The following GHR variants were observed in gnomAD, a reference collection of about 807,000 sequenced individuals.
GHR encodes the protein GH receptor.
A neutral mutation model predicts 67.1 loss-of-function variants in GHR; 35 were observed. The observed-to-expected ratio is 0.52, with a 90% confidence interval of 0.40 to 0.69. The LOEUF (loss-of-function observed/expected upper bound fraction) is 0.69, where lower values mean the gene tolerates loss of function less well. Among genes scored for constraint, GHR ranks in the 30% least tolerant of loss-of-function variants. The pLI is 0.00. For synonymous variants in GHR, 272 were observed against 269.1 expected (o/e 1.01, Z -0.10); for missense variants, 792 against 764.6 (o/e 1.04, Z -0.42).
chr5:42,646,148 T>C (rs1345868892), intron 3 of GHR, among the ~76,000 whole-genome samples: 4 of 132,504 alleles, frequency 3.0e-5, no homozygotes, highest in Non-Finnish European at 4.7e-5. Flanking sequence ...AATGTTAAGG[T>C]TTTACTAAAC....
At chr5:42,632,531 C>T (rs190370922) in intron 3 of GHR, among the ~76,000 whole-genome samples, 1 of 152,338 alleles carries the variant, frequency 6.6e-6, no homozygotes, top group Non-Finnish European at 1.5e-5. Flanking sequence ...GCTAAGTAAG[C>T]CCTTAGGGCT....
chr5:42,683,548 A>T (rs1756989935), intron 3 of GHR, among the ~76,000 whole-genome samples: 1 of 152,330 alleles, frequency 6.6e-6, no homozygotes, highest in Admixed American at 6.5e-5. Flanking sequence ...GGAAATACAT[A>T]AGGCTGTGAA....
chr5:42,535,395 C>T (rs1423171466), intron 1 of GHR, among the ~76,000 whole-genome samples: 2 of 152,090 alleles, frequency 1.3e-5, no homozygotes, highest in East Asian at 3.8e-4. Context: ...ATTATCCAAG[C>T]ACCATTTGTT....
At chr5:42,470,877 T>C (rs565808323) in intron 1 of GHR, among the ~76,000 whole-genome samples, 27 of 152,212 alleles carry the variant, frequency 1.8e-4, no homozygotes, top group Middle Eastern at 3.2e-3. Context: ...TCCAACCTGC[T>C]TTTCCATTTT....
In GHR at chr5:42,720,346, A is replaced by T. The variant is rs1298338276; in HGVS notation, c.*922A>T. On this transcript the variant is annotated 3_prime_UTR_variant, in exon 10 of 10. Coordinates refer to ENST00000230882, the MANE Select transcript of GHR (RefSeq NM_000163.5). ...CAAATCTTGGTTGATGCCAAAAAAA[A>T]ATACATGCTAAGAGAAGTAGAAATC... 6.6e-6 allele frequency: 1 copy of T among 152,230 alleles called. No homozygotes were observed. The highest frequency in any genetic ancestry group is 1.5e-5 in the Non-Finnish European group (1 of 68,042). The allele number at this position is 152,230 out of a possible 1,614,324, so 9.4% of individuals were successfully genotyped here. A position where few individuals can be genotyped will look rare whatever the true frequency, so the allele number is the denominator to read the frequency against.
intron 1 of GHR, among the ~76,000 whole-genome samples, chr5:42,518,245 T>A (rs954064680): frequency 9.2e-5 from 14 of 151,698 alleles, no homozygotes; most frequent in Non-Finnish European, 2.1e-4. Context: ...GAAAACAGAT[T>A]GATTAGTGGA....
Position 42,481,711 on chromosome 5 carries a change from C to T in GHR, c.-12+57756C>T, listed in dbSNP as rs555353721. ...GCTTCTGCATTTGTCACGTAATTCT[C>T]GTGCCTTGGTTTTCAGCTCCATCAG... On this transcript the variant is annotated intron_variant, in intron 1 of 9. Coordinates refer to ENST00000230882, the MANE Select transcript of GHR (RefSeq NM_000163.5). 2.5e-3 allele frequency among the ~76,000 whole-genome samples: 378 copies of T among 152,290 alleles called. 5 individuals carry two copies. Among genetic ancestry groups the T allele is most frequent in the African/African-American group, 8.6e-3 (358 of 41,550 alleles).
chr5:42,468,907 G>C, intron 1 of GHR: 1 of 627,216 alleles, frequency 1.6e-6, no homozygotes, highest in Non-Finnish European at 2.6e-6. Flanking sequence ...GATTGCAGCG[G>C]GCTGCGCCGA....
At chr5:42,565,454 T>C in intron 1 of GHR, 1 of 984,906 alleles carries the variant, frequency 1.0e-6, no homozygotes. Flanking sequence ...TGTTTTTCCT[T>C]TTATGGCCTG....
chr5:42,442,736 C>A (rs1420860011), intron 1 of GHR, among the ~76,000 whole-genome samples: 1 of 152,176 alleles, frequency 6.6e-6, no homozygotes, highest in African/African-American at 2.4e-5. Context: ...ATTGATATAA[C>A]TGTTATTAAG....
At chr5:42,595,780 C>T (rs1380436308) in intron 2 of GHR, among the ~76,000 whole-genome samples, 2 of 152,058 alleles carry the variant, frequency 1.3e-5, no homozygotes, top group Non-Finnish European at 2.9e-5. Flanking sequence ...GCTGGAGAGG[C>T]GGGGTGTTTT....
chr5:42,587,129 A>G (rs1040403765), intron 2 of GHR, among the ~76,000 whole-genome samples: 3 of 152,168 alleles, frequency 2.0e-5, no homozygotes, highest in African/African-American at 7.2e-5. Context: ...CAGGATCTCT[A>G]TTATATGAAA....
In GHR at chr5:42,662,144, A is replaced by G. The variant is rs537984401; in HGVS notation, c.137-26746A>G. On this transcript the variant is annotated intron_variant, in intron 3 of 9. Transcript: ENST00000230882. Reference sequence around the variant, plus strand: ...CCTACAAACAGACTTAGACTCCCACACAATAATAATGGGAGACTTTAACAG... The same window carrying G: ...CCTACAAACAGACTTAGACTCCCACGCAATAATAATGGGAGACTTTAACAG... 5.3e-5 allele frequency among the ~76,000 whole-genome samples: 8 copies of G among 152,336 alleles called. 1 individual carries two copies. The South Asian group carries it at 1.7e-3, about 32-fold the overall frequency.
intron 1 of GHR, among the ~76,000 whole-genome samples, chr5:42,443,993 A>G (rs549577708): frequency 6.6e-6 from 1 of 151,878 alleles, no homozygotes; most frequent in East Asian, 1.9e-4. Flanking sequence ...ATAGATATAG[A>G]CATAGACATA....
chr5:42,692,332 C>A (rs1757457145), intron 4 of GHR, among the ~76,000 whole-genome samples: 1 of 151,914 alleles, frequency 6.6e-6, no homozygotes, highest in African/African-American at 2.4e-5. Context: ...ATGGTTCTCA[C>A]CCCTTCCATT....
At chr5:42,483,627 A>G (rs1370996115) in intron 1 of GHR, among the ~76,000 whole-genome samples, 8 of 152,214 alleles carry the variant, frequency 5.3e-5, no homozygotes. Context: ...TACCTAGTTA[A>G]CACGTTAGGG....
At position 42,660,116 on chromosome 5, in the gene GHR, T is replaced by G. The variant is rs559275046; in HGVS notation, c.137-28774T>G. ...AACAAAGCAGGCGGGAATCTCGAAC[T>G]GGGTGGAGCCCACAACAGCTCAAGG... On this transcript the variant is annotated intron_variant, in intron 3 of 9. Transcript: ENST00000230882. Among the ~76,000 whole-genome samples, 6 of 152,302 alleles carry G rather than the reference T, an allele frequency of 3.9e-5. No individual in the cohort carries two copies. The South Asian group carries it at 1.2e-3, about 32-fold the overall frequency.
chr5:42,660,999 A>G (rs1755579947), intron 3 of GHR, among the ~76,000 whole-genome samples: 1 of 152,224 alleles, frequency 6.6e-6, no homozygotes, highest in Non-Finnish European at 1.5e-5. Flanking sequence ...GCTGGTAGAA[A>G]TGGTATCAGT....
intron 1 of GHR, among the ~76,000 whole-genome samples, chr5:42,516,402 C>T (rs551480614): frequency 2.6e-5 from 4 of 152,106 alleles, no homozygotes; most frequent in Non-Finnish European, 4.4e-5. Context: ...TTGTGGACCC[C>T]GGAGTCAGGT....
Sources: gnomAD v4.1 joint callset for allele counts (sites outside exome capture counted in the v4.1 genomes callset) on GRCh38, gnomAD v4.1.1 for gene constraint, MANE v1.5 for transcripts, NCBI Gene and HGNC (gene_info 2026-07-23, HGNC 2026-07-21) for gene names.